Variants in RBM47 observed in about 807,000 individuals in gnomAD.
The protein encoded by RBM47 is RNA binding motif protein 47, also known as RNA-binding protein 47.
Under a neutral mutation model 47.1 loss-of-function variants are expected in RBM47, and 21 were observed. The observed-to-expected ratio is 0.45, with a 90% CI of 0.32 to 0.64. The LOEUF (loss-of-function observed/expected upper bound fraction) is 0.64. Ranked by LOEUF, RBM47 falls within the 30% of genes least tolerant of loss-of-function variation. The pLI, the probability that RBM47 is intolerant of heterozygous loss-of-function variation, is 0.05. For synonymous variants in RBM47, 375 were observed against 361.7 expected (o/e 1.04, Z -0.42); for missense variants, 708 against 870.9 (o/e 0.81, Z 2.35).
intron 2 of RBM47, chr4:40,543,807 A>G (rs908195560): frequency 6.6e-6 from 1 of 152,156 alleles, no homozygotes; most frequent in African/African-American, 2.4e-5. Flanking sequence ...AAACAAAAAC[A>G]AAAAAGGAAA....
intron 1 of RBM47, among the ~76,000 whole-genome samples, chr4:40,627,694 GA>G (rs1418704473): frequency 6.6e-6 from 1 of 151,998 alleles, no homozygotes; most frequent in East Asian, 1.9e-4. Context: ...ATCATGTGAG[GA>G]AAAAAATGAG....
At chr4:40,472,615 A>G (rs1322898638) in intron 2 of RBM47, among the ~76,000 whole-genome samples, 1 of 151,916 alleles carries the variant, frequency 6.6e-6, no homozygotes, top group East Asian at 1.9e-4. Flanking sequence ...GATACATTCC[A>G]TAGGACTAAA....
In RBM47 at chr4:40,438,072, C is replaced by T; in HGVS notation, c.822G>A (p.Val274=). 6.2e-7 allele frequency: 1 copy of T among 1,613,882 alleles called. No homozygotes were observed. Among genetic ancestry groups the T allele is most frequent in the Non-Finnish European group, 8.5e-7 (1 of 1,180,020 alleles). Residue 274 remains valine, a synonymous_variant, in exon 4 of 7, where the codon GTG becomes GTA. Coordinates refer to ENST00000295971, the MANE Select transcript of RBM47 (RefSeq NM_001098634.2). Reference sequence around the variant, plus strand: ...AGTCGCGGATCTTCTTGACGCGCTCCACGCAGCCGGGGTTGAACTGGCCGA... The same window carrying T: ...AGTCGCGGATCTTCTTGACGCGCTCTACGCAGCCGGGGTTGAACTGGCCGA... ...KSFGQFNPGC[V]ERVKKIRDYA... is the part of the protein sequence containing the mutation.
rs1236258633 is a variant in RBM47 at position 40,628,941 on chromosome 4, C to G, written c.-240+455G>C. 6.6e-6 allele frequency among the ~76,000 whole-genome samples: 1 copy of G among 152,184 alleles called. No individual in the cohort carries two copies. The highest frequency in any genetic ancestry group is 2.4e-5 in the African/African-American group (1 of 41,444). ...TTAATTTGAAACAACTACACCTCTACCGAGTGTTACTTTCAGACGTAAATT... is the reference window on the plus strand; with the variant it reads ...TTAATTTGAAACAACTACACCTCTAGCGAGTGTTACTTTCAGACGTAAATT... On this transcript the variant is annotated intron_variant, in intron 1 of 6. Coordinates refer to ENST00000295971, the MANE Select transcript of RBM47 (RefSeq NM_001098634.2). The surrounding 1 kb of genome is among the most constrained non-coding windows in gnomAD (Gnocchi z 4.0).
intron 2 of RBM47, among the ~76,000 whole-genome samples, chr4:40,488,779 C>T (rs1721471650): frequency 1.3e-5 from 2 of 152,182 alleles, no homozygotes; most frequent in Non-Finnish European, 2.9e-5. Context: ...GACCTAACAA[C>T]AACAACCAGA....
intron 1 of RBM47, among the ~76,000 whole-genome samples, chr4:40,598,998 T>TA (rs1735004404): frequency 6.6e-6 from 1 of 152,062 alleles, no homozygotes; most frequent in East Asian, 1.9e-4. Context: ...CTCATACCTG[T>TA]AATCCCAGCA....
intron 6 of RBM47, among the ~76,000 whole-genome samples, chr4:40,428,421 G>A (rs368962050): frequency 3.3e-5 from 5 of 152,200 alleles, no homozygotes; most frequent in East Asian, 1.9e-4. Context: ...TTAGCCTTAC[G>A]TTAACTTGCT....
rs189133739 is a variant in RBM47, at chr4:40,525,121, G to T, written c.-155+19301C>A. On this transcript the variant is annotated intron_variant, in intron 2 of 6. Transcript: ENST00000295971. ...AACTAGGGGACCTCCCCTAGTTACC[G>T]CTTGCTATAATGAAATGTAGAAAGT... 2.6e-5 allele frequency among the ~76,000 whole-genome samples: 4 copies of T among 152,212 alleles called. No individual in the cohort carries two copies. The East Asian group carries it at 7.7e-4, about 29-fold the overall frequency.
chr4:40,456,559 CTTTTCTT>C (rs1459538974), intron 3 of RBM47, among the ~76,000 whole-genome samples: 55 of 118,752 alleles, frequency 4.6e-4, no homozygotes, highest in African/African-American at 1.5e-3. Flanking sequence ...TTTTTTTTTT[CTTTTCTT>C]TTTTCTTTTT....
At chr4:40,525,923 GC>G (rs1335527857) in intron 2 of RBM47, among the ~76,000 whole-genome samples, 1 of 152,194 alleles carries the variant, frequency 6.6e-6, no homozygotes, top group Non-Finnish European at 1.5e-5. Context: ...CTGCTCTAGG[GC>G]CTGAAGTTTG....
chr4:40,595,319 A>C (rs1173133584), intron 1 of RBM47, among the ~76,000 whole-genome samples: 3 of 151,822 alleles, frequency 2.0e-5, no homozygotes, highest in South Asian at 4.2e-4. Context: ...ACAAGGTGAA[A>C]CCCATCTCTA....
chr4:40,535,002 A>G (rs1371597603), intron 2 of RBM47, among the ~76,000 whole-genome samples: 1 of 151,632 alleles, frequency 6.6e-6, no homozygotes, highest in African/African-American at 2.4e-5. Flanking sequence ...CAGCTCTGCC[A>G]TGCATGAACT....
chr4:40,457,587 C>T (rs189027648), intron 3 of RBM47, among the ~76,000 whole-genome samples: 44 of 152,188 alleles, frequency 2.9e-4, no homozygotes, highest in African/African-American at 1.0e-3. Flanking sequence ...CATACCACCA[C>T]GCCCAGCTAA....
intron 6 of RBM47, among the ~76,000 whole-genome samples, chr4:40,430,088 A>G (rs1167818665): frequency 6.6e-6 from 1 of 152,024 alleles, no homozygotes; most frequent in East Asian, 1.9e-4. Context: ...CTAGCTACTC[A>G]GGAGGCTGAG....
chr4:40,614,018 A>G (rs1736466448), intron 1 of RBM47, among the ~76,000 whole-genome samples: 1 of 151,928 alleles, frequency 6.6e-6, no homozygotes, highest in Non-Finnish European at 1.5e-5. Flanking sequence ...ACATTGTGAC[A>G]ACCAAAAACA....
intron 1 of RBM47, among the ~76,000 whole-genome samples, chr4:40,554,420 AAAAAGAC>A (rs1330094834): frequency 6.6e-6 from 1 of 151,740 alleles, no homozygotes; most frequent in Non-Finnish European, 1.5e-5. Flanking sequence ...AAAAAAAAAA[AAAAAGAC>A]AAAAGCTGGT....
chr4:40,570,216 A>G (rs1364949207), intron 1 of RBM47, among the ~76,000 whole-genome samples: 3 of 152,044 alleles, frequency 2.0e-5, no homozygotes, highest in East Asian at 3.9e-4. Context: ...CAAGCACATT[A>G]CATTTATTGT....
At chr4:40,431,212 T>G (rs1715937589) in intron 6 of RBM47, among the ~76,000 whole-genome samples, 1 of 152,218 alleles carries the variant, frequency 6.6e-6, no homozygotes, top group South Asian at 2.1e-4. Context: ...GATTTTCTTC[T>G]GTTAAATGGA....
intron 1 of RBM47, among the ~76,000 whole-genome samples, chr4:40,566,745 C>T (rs1432956619): frequency 1.3e-5 from 2 of 151,992 alleles, no homozygotes; most frequent in Non-Finnish European, 2.9e-5. Flanking sequence ...TCAGTTTCTT[C>T]ATTTGTACAA....
Sources: allele counts gnomAD v4.1 joint callset (sites outside exome capture counted in the v4.1 genomes callset), GRCh38; gene constraint gnomAD v4.1.1; non-coding constraint Gnocchi (gnomAD v3.1); transcripts MANE v1.5; gene names NCBI Gene and HGNC (gene_info 2026-07-23, HGNC 2026-07-21).